Variants in DRC9 observed in about 807,000 individuals in gnomAD.
The protein encoded by DRC9 is dynein regulatory complex subunit 9, also known as dynein regulatory complex protein 9.
chr3:197,930,773 A>C, the DRC9 span, among the ~76,000 whole-genome samples: 45 of 146,528 alleles, frequency 3.1e-4, 1 homozygote, highest in East Asian at 8.2e-3. Flanking sequence ...GAAAAGGAAG[A>C]GCCTGTGTTC....
At chr3:197,941,411 C>CCCCCTCCCTCCTCTCCCATA in the DRC9 span, among the ~76,000 whole-genome samples, 275 of 42,614 alleles carry the variant, frequency 6.5e-3, 18 homozygotes, top group South Asian at 0.014. Flanking sequence ...CCTCTCCCAT[C>CCCCCTCCCTCCTCTCCCATA]CCCCTCCCTC....
At chr3:197,934,558 T>TCA in the DRC9 span, among the ~76,000 whole-genome samples, 2 of 152,108 alleles carry the variant, frequency 1.3e-5, no homozygotes, top group Non-Finnish European at 2.9e-5. Context: ...TAAACCAGGT[T>TCA]CAGGAAAGTT....
the DRC9 span, among the ~76,000 whole-genome samples, chr3:197,924,833 C>T: frequency 5.3e-5 from 8 of 152,166 alleles, no homozygotes; most frequent in African/African-American, 1.9e-4. Context: ...CTGTAACTTT[C>T]TAAACTGCTC....
the DRC9 span, chr3:197,891,375 T>G: frequency 2.5e-6 from 2 of 798,776 alleles, no homozygotes; most frequent in Middle Eastern, 2.3e-4. Flanking sequence ...TGTTTGATAA[T>G]GAATTGGAAA....
the DRC9 span, chr3:197,913,325 T>TGTGCGTGCGTGTGTGCGTGCGTGCGTGC: frequency 5.2e-6 from 1 of 190,666 alleles, no homozygotes. Context: ...GCTTTGCGTG[T>TGTGCGTGCGTGTGTGCGTGCGTGCGTGC]GTGCGTGCGT....
the DRC9 span, among the ~76,000 whole-genome samples, chr3:197,909,947 G>A: frequency 5.0e-3 from 766 of 152,194 alleles, 9 homozygotes; most frequent in African/African-American, 0.018. Flanking sequence ...CCGAGATCGC[G>A]CCATTGCACT....
chr3:197,943,997 C>T, the DRC9 span: 14 of 1,613,878 alleles, frequency 8.7e-6, no homozygotes, highest in East Asian at 1.6e-4. Flanking sequence ...TCACTGACAC[C>T]GTCATCTCAG....
chr3:197,891,445 CCTTTAT>C, the DRC9 span: 1 of 1,528,174 alleles, frequency 6.5e-7, no homozygotes, highest in Non-Finnish European at 9.1e-7. Flanking sequence ...TGGTTCTTTA[CCTTTAT>C]AACGCTCTTT....
the DRC9 span, chr3:197,938,845 T>C: frequency 3.8e-5 from 43 of 1,119,474 alleles, 1 homozygote; most frequent in Non-Finnish European, 5.0e-5. Flanking sequence ...GAAAGAGGCC[T>C]TTGTGTACAT....
the DRC9 span, chr3:197,932,350 T>A: frequency 6.5e-7 from 1 of 1,549,904 alleles, no homozygotes; most frequent in Non-Finnish European, 8.8e-7. Context: ...AAATTCTATT[T>A]TCAGCCGGGC....
At chr3:197,926,091 C>T in the DRC9 span, 1 of 1,554,422 alleles carries the variant, frequency 6.4e-7, no homozygotes, top group Admixed American at 1.7e-5. Flanking sequence ...TATCTGTTTT[C>T]TTCCTTTTTC....
chr3:197,952,074 A>AT, the DRC9 span, among the ~76,000 whole-genome samples: 5 of 148,088 alleles, frequency 3.4e-5, no homozygotes, highest in South Asian at 8.6e-4. Flanking sequence ...AAGGTTTCTA[A>AT]TTTTTTTTCT....
At chr3:197,927,470 C>T in the DRC9 span, among the ~76,000 whole-genome samples, 1 of 152,182 alleles carries the variant, frequency 6.6e-6, no homozygotes, top group African/African-American at 2.4e-5. Flanking sequence ...AGGTGATCCA[C>T]CCGCCTTGGC....
the DRC9 span, among the ~76,000 whole-genome samples, chr3:197,947,339 C>G: frequency 2.0e-5 from 3 of 152,236 alleles, no homozygotes; most frequent in Non-Finnish European, 4.4e-5. Context: ...TCATGTCCTT[C>G]CCTAGAACCC....
chr3:197,907,899 G>A, the DRC9 span, among the ~76,000 whole-genome samples: 29 of 150,926 alleles, frequency 1.9e-4, no homozygotes, highest in African/African-American at 3.7e-4. Context: ...ACTGTACCAC[G>A]TCTGAAGAGT....
chr3:197,955,228 G>A, the DRC9 span, among the ~76,000 whole-genome samples: 1 of 151,892 alleles, frequency 6.6e-6, no homozygotes, highest in Non-Finnish European at 1.5e-5. Flanking sequence ...TCTGTCTTTA[G>A]AAGAAGCAAA....
the DRC9 span, chr3:197,954,357 A>G: frequency 3.3e-6 from 2 of 604,096 alleles, no homozygotes; most frequent in East Asian, 5.8e-5. Context: ...GGGGGGAGAC[A>G]GGGTCTCACT....
chr3:197,918,541 A>C, the DRC9 span, among the ~76,000 whole-genome samples: 21 of 152,274 alleles, frequency 1.4e-4, no homozygotes, highest in African/African-American at 5.1e-4. Context: ...CAAGTAAATA[A>C]AGCCTTTTGC....
the DRC9 span, among the ~76,000 whole-genome samples, chr3:197,904,679 G>A: frequency 6.6e-6 from 1 of 152,008 alleles, no homozygotes; most frequent in African/African-American, 2.4e-5. Context: ...TGGCCAATAT[G>A]GAGAAACCCC....
Sources: gnomAD v4.1 joint callset for allele counts (sites outside exome capture counted in the v4.1 genomes callset) on GRCh38, gnomAD v4.1.1 for gene constraint, MANE v1.5 for transcripts, NCBI Gene and HGNC (gene_info 2026-07-23, HGNC 2026-07-21) for gene names.